The following NOL4 variants were observed in gnomAD, a reference collection of about 807,000 sequenced individuals.
The protein encoded by NOL4 is cancer/testis antigen 125.
Under a neutral mutation model 75.9 loss-of-function variants are expected in NOL4, and 17 were observed. That is an observed-to-expected ratio of 0.22 (90% CI 0.15 to 0.34). The LOEUF (loss-of-function observed/expected upper bound fraction) is 0.34, where lower values mean the gene tolerates loss of function less well. NOL4 is among the 10% of genes least tolerant of loss of function. The pLI is 1.00. For synonymous variants in NOL4, 292 were observed against 289.9 expected (o/e 1.01, Z -0.07); for missense variants, 614 against 793.5 (o/e 0.77, Z 2.72).
chr18:34,097,560 A>G (rs1214801841), intron 4 of NOL4, among the ~76,000 whole-genome samples: 4 of 152,234 alleles, frequency 2.6e-5, no homozygotes, highest in Non-Finnish European at 4.4e-5. Context: ...TCAATAAGGT[A>G]AATACTAGTC....
At chr18:33,980,127 A>T (rs2076248718) in intron 6 of NOL4, among the ~76,000 whole-genome samples, 1 of 151,986 alleles carries the variant, frequency 6.6e-6, no homozygotes, top group Non-Finnish European at 1.5e-5. Context: ...TCTAGGTCAG[A>T]TTGCTATTCA....
chr18:34,224,668 A>G lies in NOL4; in HGVS notation c.-1415T>C, dbSNP rs1197773353. 1 of 152,240 alleles carries G rather than the reference A, an allele frequency of 6.6e-6. No homozygotes were observed. The highest frequency in any genetic ancestry group is 2.4e-5 in the African/African-American group (1 of 41,448). 9.4% of individuals were successfully genotyped at this position (152,240 alleles called of 1,614,324 possible). On this transcript the variant is annotated 5_prime_UTR_variant, in exon 1 of 11. Transcript: ENST00000261592. ...CCTTCTTCCCTCGTCGTCGTCTCCC[A>G]GACTAAATCCCGGAAAGGGAAAGCG... is the stretch of plus-strand genomic sequence containing the variant.
intron 1 of NOL4, among the ~76,000 whole-genome samples, chr18:34,186,800 T>G (rs138677198): frequency 3.5e-4 from 53 of 152,336 alleles, no homozygotes; most frequent in African/African-American, 1.2e-3. Context: ...GTTGGCACTC[T>G]GCAAAATTTA....
At chr18:33,953,671 T>C (rs751332039) in intron 8 of NOL4, among the ~76,000 whole-genome samples, 3 of 152,176 alleles carry the variant, frequency 2.0e-5, no homozygotes, top group Non-Finnish European at 4.4e-5. Flanking sequence ...TCTTGATAAA[T>C]GAAGTGGAAT....
intron 5 of NOL4, among the ~76,000 whole-genome samples, chr18:34,022,724 T>C (rs983911280): frequency 1.3e-5 from 2 of 152,026 alleles, no homozygotes; most frequent in African/African-American, 4.8e-5. Context: ...TTTGTCAATA[T>C]GTTATTAGGT....
intron 6 of NOL4, among the ~76,000 whole-genome samples, chr18:33,965,845 G>C (rs180958223): frequency 8.6e-4 from 131 of 152,114 alleles, no homozygotes; most frequent in Middle Eastern, 6.8e-3. Context: ...AGCAGCATAA[G>C]AATGGACTAA....
intron 10 of NOL4, among the ~76,000 whole-genome samples, chr18:33,856,952 C>T (rs1277835859): frequency 6.6e-6 from 1 of 151,944 alleles, no homozygotes; most frequent in African/African-American, 2.4e-5. Flanking sequence ...AAATGTTCAT[C>T]TATTAATGAA....
chr18:33,931,377 C>A (rs2145415587), intron 9 of NOL4, among the ~76,000 whole-genome samples: 1 of 152,196 alleles, frequency 6.6e-6, no homozygotes, highest in Middle Eastern at 3.4e-3. Flanking sequence ...TTACTACAAG[C>A]CCCGACATTT....
chr18:33,943,142 C>T lies in NOL4; in HGVS notation c.1465G>A (p.Ala489Thr), dbSNP rs1439897315. ...PIPSHLTSAVAESILASACES... is the reference protein window; with the variant it reads ...PIPSHLTSAVTESILASACES... Reference sequence around the variant, plus strand: ...CAAGCTGAAGCCAAGATACTCTCTGCAACTGCTGAAGTAAGGTGGGAAGGA... The same window carrying T: ...CAAGCTGAAGCCAAGATACTCTCTGTAACTGCTGAAGTAAGGTGGGAAGGA... The change falls in exon 9 of 11, where the codon GCA becomes ACA. Residue 489 changes from alanine to threonine, a missense_variant. Ala to Thr is a moderately conservative substitution (Grantham distance 58). Transcript: ENST00000261592. 1 of 1,610,114 alleles carries T rather than the reference C, an allele frequency of 6.2e-7. No homozygotes were observed. Among genetic ancestry groups the T allele is most frequent in the Admixed American group, 1.7e-5 (1 of 59,626 alleles).
At chr18:33,959,335 T>G (rs2069912689) in intron 6 of NOL4, among the ~76,000 whole-genome samples, 1 of 152,108 alleles carries the variant, frequency 6.6e-6, no homozygotes, top group South Asian at 2.1e-4. Context: ...CTTTGATCAC[T>G]TTTCATTTTG....
intron 8 of NOL4, among the ~76,000 whole-genome samples, chr18:33,948,606 C>G (rs1461894665): frequency 2.6e-5 from 4 of 151,950 alleles, no homozygotes; most frequent in Non-Finnish European, 5.9e-5. Flanking sequence ...CTAGGTATCA[C>G]TATTTTTATT....
chr18:33,860,881 A>G (rs1464053327), intron 10 of NOL4, among the ~76,000 whole-genome samples: 2 of 152,092 alleles, frequency 1.3e-5, no homozygotes, highest in African/African-American at 4.8e-5. Context: ...TTCTGCATCT[A>G]TTGAGATAAT....
At chr18:33,973,812 C>A (rs957997163) in intron 6 of NOL4, among the ~76,000 whole-genome samples, 3 of 152,158 alleles carry the variant, frequency 2.0e-5, no homozygotes, top group African/African-American at 7.2e-5. Flanking sequence ...CCATGCTGTA[C>A]ACAGATGGGC....
intron 1 of NOL4, among the ~76,000 whole-genome samples, chr18:34,218,597 C>T (rs753433805): frequency 3.9e-5 from 6 of 152,178 alleles, no homozygotes; most frequent in Non-Finnish European, 8.8e-5. Context: ...CACAACTCCA[C>T]AAAGAATCAC....
intron 1 of NOL4, among the ~76,000 whole-genome samples, chr18:34,161,229 G>C (rs1248503163): frequency 6.6e-6 from 1 of 152,078 alleles, no homozygotes; most frequent in Non-Finnish European, 1.5e-5. Context: ...TCGACACTTA[G>C]GATGATATCA....
rs184610961 is a variant in NOL4, at chr18:34,100,587, C to A, written c.639+3460G>T. Among the ~76,000 whole-genome samples the A allele has an allele frequency of 2.3e-3, 349 of 152,324 alleles. 1 individual carries two copies. The highest frequency in any genetic ancestry group is 8.0e-3 in the African/African-American group (332 of 41,568). ...CTTTTTCCAGTTTTATTCTAGTTCA[C>A]AAACTCTCCTGCCTCTCCTAATACC... On this transcript the variant is annotated intron_variant, in intron 4 of 10. Coordinates refer to ENST00000261592, the MANE Select transcript of NOL4 (RefSeq NM_003787.5).
chr18:33,983,859 C>CA (rs1011352552), intron 6 of NOL4, among the ~76,000 whole-genome samples: 4 of 149,542 alleles, frequency 2.7e-5, no homozygotes, highest in Admixed American at 6.6e-5. Context: ...TTATATGAGT[C>CA]AAAAAAAAGT....
chr18:33,968,226 T>C (rs2070762307), intron 6 of NOL4, among the ~76,000 whole-genome samples: 1 of 152,184 alleles, frequency 6.6e-6, no homozygotes, highest in Non-Finnish European at 1.5e-5. Context: ...AGTTTGGTGA[T>C]TTCTCAAAGA....
chr18:34,159,515 G>A (rs562141189), intron 1 of NOL4, among the ~76,000 whole-genome samples: 2 of 152,218 alleles, frequency 1.3e-5, no homozygotes, highest in Admixed American at 6.5e-5. Context: ...CTGGGTGGTG[G>A]GGGACAGGGC....
Sources: gnomAD v4.1 joint callset for allele counts (sites outside exome capture counted in the v4.1 genomes callset) on GRCh38, gnomAD v4.1.1 for gene constraint, MANE v1.5 for transcripts, NCBI Gene and HGNC (gene_info 2026-07-23, HGNC 2026-07-21) for gene names.